Variants in PAM observed in about 807,000 individuals in gnomAD.
The protein encoded by PAM is peptidylglycine alpha-amidating monooxygenase, also known as peptidyl-glycine alpha-amidating monooxygenase.
PAM carries 72 observed loss-of-function variants against 122.1 expected under a neutral mutation model. That is an observed-to-expected ratio of 0.59 (90% confidence interval 0.49 to 0.72). The LOEUF (loss-of-function observed/expected upper bound fraction) is 0.72, where lower values mean the gene tolerates loss of function less well. Ranked by LOEUF, PAM falls within the 30% of genes least tolerant of loss-of-function variation. The pLI, the probability that PAM is intolerant of heterozygous loss-of-function variation, is 0.00. For synonymous variants in PAM, 389 were observed against 404.4 expected (o/e 0.96, Z 0.46); for missense variants, 1,106 against 1,183.7 (o/e 0.93, Z 0.96).
At chr5:102,923,847 T>C (rs1748335647) in intron 5 of PAM, among the ~76,000 whole-genome samples, 1 of 152,148 alleles carries the variant, frequency 6.6e-6, no homozygotes, top group African/African-American at 2.4e-5. Context: ...CTGGGTGCTC[T>C]TTTCACCCTG....
chr5:102,948,789 T>C (rs937641784), intron 9 of PAM, among the ~76,000 whole-genome samples: 5 of 152,080 alleles, frequency 3.3e-5, no homozygotes, highest in South Asian at 2.1e-4. Flanking sequence ...AACTTCTACA[T>C]AGAAAGATTT....
At chr5:102,971,173 A>T (rs1005182673) in intron 14 of PAM, among the ~76,000 whole-genome samples, 14 of 152,320 alleles carry the variant, frequency 9.2e-5, no homozygotes, top group Admixed American at 8.5e-4. Context: ...CTGATTTTTA[A>T]AATATTATAT....
At chr5:102,771,722 A>G (rs2149771545) in intron 1 of PAM, among the ~76,000 whole-genome samples, 1 of 152,272 alleles carries the variant, frequency 6.6e-6, no homozygotes, top group Non-Finnish European at 1.5e-5. Context: ...TTTCAAAAAT[A>G]AAGTTGCTCT....
intron 3 of PAM, among the ~76,000 whole-genome samples, chr5:102,887,577 G>T (rs1793532788): frequency 6.6e-6 from 1 of 151,994 alleles, no homozygotes; most frequent in African/African-American, 2.4e-5. Context: ...AGACTTCAAA[G>T]AAATTTATAG....
chr5:102,961,688 G>A (rs552150963), intron 14 of PAM, among the ~76,000 whole-genome samples: 2 of 151,934 alleles, frequency 1.3e-5, no homozygotes, highest in East Asian at 1.9e-4. Context: ...CCTTCATCAA[G>A]GTAGGAGCGA....
chr5:102,784,965 TA>T (rs1465200606), intron 1 of PAM, among the ~76,000 whole-genome samples: 2 of 152,226 alleles, frequency 1.3e-5, no homozygotes, highest in Non-Finnish European at 2.9e-5. Flanking sequence ...CCTGGAGGAT[TA>T]AAAACAACAA....
intron 1 of PAM, among the ~76,000 whole-genome samples, chr5:102,794,350 A>G (rs1400478451): frequency 6.6e-6 from 1 of 152,230 alleles, no homozygotes; most frequent in African/African-American, 2.4e-5. Context: ...TGATTCAGAT[A>G]CATTTTCCAC....
chr5:102,986,489 A>G (rs1771864781), intron 15 of PAM, among the ~76,000 whole-genome samples: 1 of 152,220 alleles, frequency 6.6e-6, no homozygotes. Flanking sequence ...TATTTACAAT[A>G]GCTTAAAAAA....
At chr5:102,855,432 A>T (rs1048271585) in intron 1 of PAM, among the ~76,000 whole-genome samples, 1 of 152,210 alleles carries the variant, frequency 6.6e-6, no homozygotes, top group African/African-American at 2.4e-5. Context: ...AAACATAAGA[A>T]TCATTTGAAA....
chr5:102,758,238 A>T (rs1006726824), intron 1 of PAM, among the ~76,000 whole-genome samples: 1 of 151,906 alleles, frequency 6.6e-6, no homozygotes, highest in African/African-American at 2.4e-5. Context: ...GGAAGAATTT[A>T]TCTATCTGCT....
intron 12 of PAM, among the ~76,000 whole-genome samples, chr5:102,957,589 C>A (rs946803426): frequency 6.6e-6 from 1 of 151,614 alleles, no homozygotes; most frequent in Admixed American, 6.6e-5. Flanking sequence ...AGTGCAGTGG[C>A]GTGAGATCTC....
chr5:102,866,363 A>G (rs1212642953), intron 2 of PAM, 79 bp downstream of exon 2: 8 of 890,138 alleles, frequency 9.0e-6, no homozygotes, highest in Non-Finnish European at 1.1e-5. Context: ...AGTGTTGGCA[A>G]AATAGACGGG....
At chr5:102,761,142 G>A (rs1752234928) in intron 1 of PAM, among the ~76,000 whole-genome samples, 1 of 152,204 alleles carries the variant, frequency 6.6e-6, no homozygotes, top group Non-Finnish European at 1.5e-5. Flanking sequence ...CAGAAAGGAT[G>A]GAGGACAGGA....
At chr5:102,842,390 A>G (rs1423536398) in intron 1 of PAM, among the ~76,000 whole-genome samples, 1 of 152,144 alleles carries the variant, frequency 6.6e-6, no homozygotes, top group Non-Finnish European at 1.5e-5. Flanking sequence ...TGTTCTCATG[A>G]TAGCGAATAA....
intron 1 of PAM, among the ~76,000 whole-genome samples, chr5:102,809,352 CAAAAAAAA>C (rs11302898): frequency 1.3e-4 from 16 of 126,238 alleles, no homozygotes; most frequent in East Asian, 4.5e-4. Flanking sequence ...CTGTCTCTAC[CAAAAAAAA>C]AAAAAAAAAA....
intron 19 of PAM, 107 bp downstream of exon 19, chr5:103,007,118 G>A: frequency 1.2e-6 from 1 of 816,476 alleles, no homozygotes; most frequent in Admixed American, 2.7e-5. Context: ...GTCCCCTACA[G>A]GGTCATTGTA....
intron 14 of PAM, among the ~76,000 whole-genome samples, chr5:102,970,358 G>A (rs1007815156): frequency 6.6e-6 from 1 of 152,174 alleles, no homozygotes; most frequent in Non-Finnish European, 1.5e-5. Context: ...CAGCTATTAG[G>A]TTGGACAGTG....
intron 15 of PAM, among the ~76,000 whole-genome samples, chr5:102,985,460 T>G (rs1294246230): frequency 2.6e-5 from 4 of 151,912 alleles, no homozygotes; most frequent in Non-Finnish European, 5.9e-5. Flanking sequence ...TAGCATACAG[T>G]TTTCAACAAT....
intron 1 of PAM, among the ~76,000 whole-genome samples, chr5:102,853,226 C>T (rs1158162554): frequency 1.3e-5 from 2 of 152,092 alleles, no homozygotes; most frequent in East Asian, 1.9e-4. Flanking sequence ...ATTGATTATT[C>T]CCTTGGAATA....
Sources: allele counts gnomAD v4.1 joint callset (sites outside exome capture counted in the v4.1 genomes callset), GRCh38; gene constraint gnomAD v4.1.1; transcripts MANE v1.5; gene names NCBI Gene and HGNC (gene_info 2026-07-23, HGNC 2026-07-21).